Variants in MAGI2 observed in about 807,000 individuals in gnomAD.
MAGI2 encodes membrane-associated guanylate kinase, WW and PDZ domain-containing protein 2.
A neutral mutation model predicts 133.3 loss-of-function variants in MAGI2; 35 were observed. The observed-to-expected ratio is 0.26, with a 90% CI of 0.20 to 0.35. MAGI2 has a LOEUF of 0.35. Among genes scored for constraint, MAGI2 ranks in the 10% least tolerant of loss-of-function variants. The pLI is 1.00. For missense variants in MAGI2, 1,636 were observed against 1,863.4 expected (o/e 0.88, Z 2.25); for synonymous variants, 729 against 710.6 (o/e 1.03, Z -0.41).
chr7:79,338,661 A>G (rs1327646800), intron 1 of MAGI2, among the ~76,000 whole-genome samples: 3 of 152,120 alleles, frequency 2.0e-5, no homozygotes, highest in Admixed American at 2.0e-4. Context: ...GAAAGATCCT[A>G]CTGCTTTCGT....
At chr7:79,417,868 CAA>C (rs1030662392) in intron 1 of MAGI2, among the ~76,000 whole-genome samples, 2 of 151,622 alleles carry the variant, frequency 1.3e-5, no homozygotes, top group African/African-American at 4.8e-5. Flanking sequence ...GATGTAGAAA[CAA>C]AGAGAAAACA....
At chr7:79,035,868 CT>C (rs1438070811) in intron 1 of MAGI2, among the ~76,000 whole-genome samples, 1 of 152,154 alleles carries the variant, frequency 6.6e-6, no homozygotes, top group Non-Finnish European at 1.5e-5. Flanking sequence ...AGAAAGTATA[CT>C]TTTCATTAAT....
At chr7:78,998,452 C>T (rs1413610489) in intron 2 of MAGI2, among the ~76,000 whole-genome samples, 1 of 152,096 alleles carries the variant, frequency 6.6e-6, no homozygotes, top group Non-Finnish European at 1.5e-5. Context: ...AATACCTTTG[C>T]CAAGGCCCTA....
intron 3 of MAGI2, among the ~76,000 whole-genome samples, chr7:78,625,233 A>G (rs1319565542): frequency 1.3e-5 from 2 of 152,168 alleles, no homozygotes; most frequent in South Asian, 2.1e-4. Context: ...ATAAAAAAAG[A>G]ACCATAAGAT....
intron 1 of MAGI2, among the ~76,000 whole-genome samples, chr7:79,078,855 G>A (rs1004304604): frequency 3.9e-5 from 6 of 152,154 alleles, no homozygotes; most frequent in Middle Eastern, 3.2e-3. Flanking sequence ...GTGTATGTGC[G>A]TGTAGTCTGA....
At position 79,453,474 on chromosome 7, in the gene MAGI2, A is replaced by C. The variant is rs549047061; in HGVS notation, c.-154T>G. On this transcript the variant is annotated 5_prime_UTR_variant, in exon 1 of 22. Coordinates refer to ENST00000354212, the MANE Select transcript of MAGI2 (RefSeq NM_012301.4). ...ATTCGGTGCTTTCCCTCTTCTTTGG[A>C]TGGAGTGTGGACGAGGAATGGGGAG... The C allele has an allele frequency of 8.9e-6, 13 of 1,452,914 alleles. No individual in the cohort carries two copies. Among genetic ancestry groups the C allele is most frequent in the South Asian group, 4.4e-5 (3 of 68,112 alleles). 90.0% of individuals were successfully genotyped at this position (1,452,914 alleles called of 1,614,324 possible). A position where few individuals can be genotyped will look rare whatever the true frequency, so the allele number is the denominator to read the frequency against.
intron 18 of MAGI2, among the ~76,000 whole-genome samples, chr7:78,130,374 A>C (rs1269442852): frequency 6.6e-6 from 1 of 152,192 alleles, no homozygotes; most frequent in African/African-American, 2.4e-5. Flanking sequence ...TCCCGCTCTA[A>C]CATGGGAACG....
At chr7:78,995,597 A>G (rs1050193040) in intron 2 of MAGI2, among the ~76,000 whole-genome samples, 2 of 152,160 alleles carry the variant, frequency 1.3e-5, no homozygotes, top group African/African-American at 4.8e-5. Context: ...TCAATTGAAG[A>G]TACGTTCATA....
chr7:78,867,507 C>G (rs1265152148), intron 2 of MAGI2, among the ~76,000 whole-genome samples: 4 of 142,476 alleles, frequency 2.8e-5, no homozygotes, highest in Non-Finnish European at 6.0e-5. Flanking sequence ...CACATGGACA[C>G]AGGAAGGGGA....
intron 11 of MAGI2, among the ~76,000 whole-genome samples, chr7:78,200,386 T>C (rs1829128714): frequency 6.6e-6 from 1 of 152,182 alleles, no homozygotes; most frequent in African/African-American, 2.4e-5. Context: ...GCAAAAAGAT[T>C]ATTAAAACCC....
intron 1 of MAGI2, among the ~76,000 whole-genome samples, chr7:79,232,713 TATCA>T (rs1831485701): frequency 7.5e-6 from 1 of 133,168 alleles, no homozygotes; most frequent in African/African-American, 2.9e-5. Context: ...GCTAGCGGTC[TATCA>T]ATTTTGTTGA....
chr7:78,294,609 G>C (rs148372586), intron 9 of MAGI2, among the ~76,000 whole-genome samples: 153 of 152,258 alleles, frequency 1.0e-3, no homozygotes, highest in Middle Eastern at 6.8e-3. Context: ...TTAGCAAATA[G>C]AGTCTCTCTT....
intron 4 of MAGI2, among the ~76,000 whole-genome samples, chr7:78,504,091 T>C (rs894995268): frequency 6.6e-6 from 1 of 151,980 alleles, no homozygotes; most frequent in Non-Finnish European, 1.5e-5. Flanking sequence ...AGAAGAAAAA[T>C]ACATGAAGAC....
chr7:79,295,046 G>T (rs963388009), intron 1 of MAGI2, among the ~76,000 whole-genome samples: 1 of 151,960 alleles, frequency 6.6e-6, no homozygotes, highest in African/African-American at 2.4e-5. Context: ...CCATATTGTG[G>T]TAGTTCTTTT....
At chr7:78,927,703 A>G (rs73706522) in intron 2 of MAGI2, among the ~76,000 whole-genome samples, 2,455 of 152,044 alleles carry the variant, frequency 0.016, 75 homozygotes, top group African/African-American at 0.056. Context: ...AAATCTTTTG[A>G]GTAACTTGAG....
intron 6 of MAGI2, among the ~76,000 whole-genome samples, chr7:78,415,019 A>G (rs1798175965): frequency 6.6e-6 from 1 of 152,096 alleles, no homozygotes; most frequent in East Asian, 1.9e-4. Flanking sequence ...ACAATAATAG[A>G]TTTCATAAAA....
chr7:78,670,583 T>C (rs1424134045), intron 2 of MAGI2, among the ~76,000 whole-genome samples: 3 of 152,146 alleles, frequency 2.0e-5, no homozygotes, highest in African/African-American at 7.2e-5. Context: ...TTAAAGTTCA[T>C]ATGGAACCAA....
At chr7:78,580,422 A>C (rs1802715865) in intron 3 of MAGI2, among the ~76,000 whole-genome samples, 1 of 152,236 alleles carries the variant, frequency 6.6e-6, no homozygotes. Flanking sequence ...CATGTAGAAC[A>C]ACTCACAAAT....
intron 2 of MAGI2, among the ~76,000 whole-genome samples, chr7:78,926,258 C>T (rs1799683508): frequency 6.6e-6 from 1 of 151,944 alleles, no homozygotes; most frequent in Non-Finnish European, 1.5e-5. Context: ...GCAGAGTCTG[C>T]TTATTATTTG....
Sources: gnomAD v4.1 joint callset for allele counts (sites outside exome capture counted in the v4.1 genomes callset) on GRCh38, gnomAD v4.1.1 for gene constraint, MANE v1.5 for transcripts, NCBI Gene and HGNC (gene_info 2026-07-23, HGNC 2026-07-21) for gene names.